The following DENND1A variants were observed in gnomAD, a reference collection of about 807,000 sequenced individuals.
DENND1A encodes DENN domain-containing protein 1A.
A neutral mutation model predicts 113.7 loss-of-function variants in DENND1A; 51 were observed. The observed-to-expected ratio is 0.45, with a 90% confidence interval of 0.36 to 0.57. The LOEUF (loss-of-function observed/expected upper bound fraction) is 0.57, where lower values mean the gene tolerates loss of function less well. DENND1A is among the 20% of genes least tolerant of loss of function. The probability of loss-of-function intolerance (pLI) is 0.00; values close to 1 mark genes in which losing one functional copy is unlikely to be tolerated. For missense variants in DENND1A, 1,258 were observed against 1,395.9 expected (o/e 0.90, Z 1.57); for synonymous variants, 565 against 570.8 (o/e 0.99, Z 0.14).
At chr9:123,839,183 A>G (rs1841473575) in intron 2 of DENND1A, among the ~76,000 whole-genome samples, 1 of 152,190 alleles carries the variant, frequency 6.6e-6, no homozygotes, top group South Asian at 2.1e-4. Flanking sequence ...TACCAAGATA[A>G]GTGGTGAACG....
chr9:123,878,854 C>T, intron 2 of DENND1A, 97 bp downstream of exon 2: 4 of 1,246,366 alleles, frequency 3.2e-6, no homozygotes, highest in Non-Finnish European at 4.6e-6. Flanking sequence ...TACTTAAAGA[C>T]AAATAACAAT....
intron 13 of DENND1A, among the ~76,000 whole-genome samples, chr9:123,525,698 C>T (rs1183299040): frequency 2.6e-5 from 4 of 151,998 alleles, no homozygotes; most frequent in Non-Finnish European, 2.9e-5. Flanking sequence ...TGGGTAAATC[C>T]CCCAGCATTA....
chr9:123,539,121 A>C (rs2056082606), intron 13 of DENND1A, among the ~76,000 whole-genome samples: 1 of 152,142 alleles, frequency 6.6e-6, no homozygotes, highest in Non-Finnish European at 1.5e-5. Flanking sequence ...AAACAGATAT[A>C]GATATTAAAC....
intron 2 of DENND1A, among the ~76,000 whole-genome samples, chr9:123,845,749 T>TAAAC (rs200824974): frequency 0.048 from 5,700 of 118,724 alleles, 108 homozygotes; most frequent in Middle Eastern, 0.068. Context: ...TAAAACCTAA[T>TAAAC]AAACAAACAA....
At chr9:123,850,196 C>CTTTCGTGAAAGG (rs1408085929) in intron 2 of DENND1A, among the ~76,000 whole-genome samples, 2 of 152,144 alleles carry the variant, frequency 1.3e-5, no homozygotes, top group African/African-American at 4.8e-5. Flanking sequence ...ACAGAGTAAT[C>CTTTCGTGAAAGG]TTTCGTGAAA....
At position 123,552,012 on chromosome 9, in the gene DENND1A, CGAGAGCGAGAGAGAGA is replaced by C. The variant is rs1353915537; in HGVS notation, c.993+5542_993+5557del. Reference sequence around the variant, plus strand: ...GAGAGCGAGAGAGAGCGAGAGAGAGCGAGAGCGAGAGAGAGAGAGAGAGAGACAGAGAGAGAGAGAG... The same window carrying C: ...GAGAGCGAGAGAGAGCGAGAGAGAGCGAGAGAGAGACAGAGAGAGAGAGAG... On this transcript the variant is annotated intron_variant, in intron 13 of 23. Coordinates refer to ENST00000394215, the MANE Select transcript of DENND1A (RefSeq NM_001352964.2). Among the ~76,000 whole-genome samples the C allele has an allele frequency of 5.8e-5, 4 of 68,712 alleles. No homozygotes were observed. The East Asian group carries it at 1.3e-3, about 22-fold the overall frequency. 45.1% of individuals were successfully genotyped at this position (68,712 alleles called of 152,430 possible).
At chr9:123,548,222 C>T (rs751976642) in intron 13 of DENND1A, among the ~76,000 whole-genome samples, 3 of 152,162 alleles carry the variant, frequency 2.0e-5, no homozygotes, top group Non-Finnish European at 2.9e-5. Flanking sequence ...ATTCCCAGGA[C>T]ATGATCTTGA....
chr9:123,439,718 G>A (rs1256349108), intron 19 of DENND1A: 2 of 152,024 alleles, frequency 1.3e-5, no homozygotes, highest in African/African-American at 2.4e-5. Context: ...GGTAGGAAAG[G>A]GTACATAATC....
At chr9:123,457,475 AG>A in intron 14 of DENND1A, 40 bp from the exon 15 acceptor site, 2 of 1,527,520 alleles carry the variant, frequency 1.3e-6, no homozygotes. Flanking sequence ...GCTCGTACAA[AG>A]AAAAGGGGGA....
At chr9:123,885,178 G>A (rs1848882374) in intron 1 of DENND1A, among the ~76,000 whole-genome samples, 1 of 152,066 alleles carries the variant, frequency 6.6e-6, no homozygotes, top group Non-Finnish European at 1.5e-5. Flanking sequence ...ACAATTACCT[G>A]GGGGGCTTTT....
intron 5 of DENND1A, among the ~76,000 whole-genome samples, chr9:123,716,481 G>A (rs574082099): frequency 3.3e-5 from 5 of 152,310 alleles, no homozygotes; most frequent in African/African-American, 1.2e-4. Context: ...CTGGAAGACC[G>A]CTGTAGTCAC....
Position 123,699,743 on chromosome 9 carries a change from G to A in DENND1A, c.303-22954C>T, listed in dbSNP as rs1315522767. ...GACAGAGTCTCGCTCTGTCACCCAGGCTGGAGTGCAGTGGCGTGATCTCAG... is the reference window on the plus strand; with the variant it reads ...GACAGAGTCTCGCTCTGTCACCCAGACTGGAGTGCAGTGGCGTGATCTCAG... On this transcript the variant is annotated intron_variant, in intron 5 of 23. Coordinates refer to ENST00000394215, the MANE Select transcript of DENND1A (RefSeq NM_001352964.2). Among the ~76,000 whole-genome samples, 3 of 144,414 alleles carry A rather than the reference G, an allele frequency of 2.1e-5. No individual in the cohort carries two copies. In the Admixed American group the frequency reaches 2.1e-4, roughly 10 times the overall value. 94.7% of individuals were successfully genotyped at this position (144,414 alleles called of 152,430 possible). A position where few individuals can be genotyped will look rare whatever the true frequency, so the allele number is the denominator to read the frequency against.
intron 11 of DENND1A, among the ~76,000 whole-genome samples, chr9:123,598,591 G>A (rs1029915863): frequency 1.3e-5 from 2 of 151,808 alleles, no homozygotes; most frequent in African/African-American, 4.8e-5. Flanking sequence ...ACTGTTTTCA[G>A]TTCCATGAAA....
At chr9:123,879,587 A>G (rs1368247107) in intron 1 of DENND1A, among the ~76,000 whole-genome samples, 1 of 145,744 alleles carries the variant, frequency 6.9e-6, no homozygotes, top group East Asian at 2.0e-4. Context: ...TTGTCTAGGC[A>G]TGATGTCTGG....
At chr9:123,910,006 C>G (rs529683679) in intron 1 of DENND1A, among the ~76,000 whole-genome samples, 5 of 151,840 alleles carry the variant, frequency 3.3e-5, no homozygotes, top group African/African-American at 1.2e-4. Flanking sequence ...CTAAAAACTA[C>G]AAAATGCTGC....
chr9:123,642,209 A>G (rs1042362573), intron 9 of DENND1A, among the ~76,000 whole-genome samples: 1 of 152,268 alleles, frequency 6.6e-6, no homozygotes, highest in Non-Finnish European at 1.5e-5. Flanking sequence ...AATGAAGAAT[A>G]TAGTTCAACA....
chr9:123,634,489 G>A (rs536672531), intron 9 of DENND1A, among the ~76,000 whole-genome samples: 2 of 152,248 alleles, frequency 1.3e-5, no homozygotes, highest in Non-Finnish European at 2.9e-5. Flanking sequence ...AGTATCACTT[G>A]CCACTTATTT....
chr9:123,547,386 G>A (rs972390711), intron 13 of DENND1A, among the ~76,000 whole-genome samples: 7 of 152,170 alleles, frequency 4.6e-5, no homozygotes, highest in Non-Finnish European at 1.0e-4. Flanking sequence ...AAAATTAGCT[G>A]GGCATGGTGG....
At chr9:123,824,908 T>C (rs951395724) in intron 2 of DENND1A, among the ~76,000 whole-genome samples, 1 of 152,200 alleles carries the variant, frequency 6.6e-6, no homozygotes, top group African/African-American at 2.4e-5. Context: ...TCTTATAAAT[T>C]TTATTTAAAG....
Sources: allele counts gnomAD v4.1 joint callset (sites outside exome capture counted in the v4.1 genomes callset), GRCh38; gene constraint gnomAD v4.1.1; transcripts MANE v1.5; gene names NCBI Gene and HGNC (gene_info 2026-07-23, HGNC 2026-07-21).